Variants in FAM120C observed in about 807,000 individuals in gnomAD.
FAM120C encodes the protein family with sequence similarity 120 member C.
A neutral mutation model predicts 71.2 loss-of-function variants in FAM120C; 14 were observed. The ratio of observed to expected loss-of-function variants is 0.20; its 90% confidence interval spans 0.13 to 0.31. The LOEUF (loss-of-function observed/expected upper bound fraction) is 0.31. Among genes scored for constraint, FAM120C ranks in the 10% least tolerant of loss-of-function variants. The probability of loss-of-function intolerance (pLI) is 1.00; values close to 1 mark genes in which losing one functional copy is unlikely to be tolerated. For synonymous variants in FAM120C, 354 were observed against 353.2 expected, an observed-to-expected ratio of 1.00 and a Z score of -0.03; for missense variants, 500 against 879.0, an observed-to-expected ratio of 0.57 and a Z score of 5.45.
At chrX:54,161,289 G>A (rs2067234919) in intron 1 of FAM120C, among the ~76,000 whole-genome samples, 1 of 111,492 alleles carries the variant, frequency 9.0e-6, no homozygotes, top group Non-Finnish European at 1.9e-5. Flanking sequence ...TCACCATGCA[G>A]GTATTAGAAG....
chrX:54,124,725 G>C (rs781818094), intron 9 of FAM120C, among the ~76,000 whole-genome samples: 1 of 110,794 alleles, frequency 9.0e-6, no homozygotes, highest in African/African-American at 3.3e-5. Flanking sequence ...GTTCCTATTC[G>C]GCCATCTTGG....
chrX:54,152,021 ATT>A (rs1234773932), intron 3 of FAM120C, among the ~76,000 whole-genome samples: 2 of 99,132 alleles, frequency 2.0e-5, no homozygotes. Context: ...ATACCTAAAC[ATT>A]TTTTTTTTTT....
In FAM120C at chrX:54,073,057, A is replaced by G; in HGVS notation, c.3267T>C (p.Thr1089=). 1 of 1,206,998 alleles carries G rather than the reference A, an allele frequency of 8.3e-7. No homozygotes were observed. The highest frequency in any genetic ancestry group is 1.1e-6 in the Non-Finnish European group (1 of 892,527). The change falls in exon 16 of 16, where the codon ACT becomes ACC. Residue 1089 remains threonine (T), a synonymous_variant. Coordinates refer to ENST00000375180, the MANE Select transcript of FAM120C (RefSeq NM_017848.6). ...ATCAGTCCTCTTTCCGTTGTGCCACAGTTTCTAGCTTTTGCTCTTGTAAGT... is the reference window on the plus strand; with the variant it reads ...ATCAGTCCTCTTTCCGTTGTGCCACGGTTTCTAGCTTTTGCTCTTGTAAGT... The part of the protein sequence containing the change: ...KNHLQEQKLE[T]VAQRKED
At chrX:54,158,112 A>G (rs1342574912) in intron 2 of FAM120C, among the ~76,000 whole-genome samples, 1 of 112,569 alleles carries the variant, frequency 8.9e-6, no homozygotes, top group Non-Finnish European at 1.9e-5. Flanking sequence ...CCATGCTATT[A>G]CTTATCCCCT....
intron 7 of FAM120C, 75 bp downstream of exon 7, chrX:54,134,756 T>TC: frequency 9.6e-7 from 1 of 1,036,793 alleles, no homozygotes; most frequent in Non-Finnish European, 1.3e-6. Flanking sequence ...TCCCACACCC[T>TC]CCACCCATCT....
At chrX:54,074,203 G>A (rs903876741) in intron 15 of FAM120C, among the ~76,000 whole-genome samples, 3 of 111,351 alleles carry the variant, frequency 2.7e-5, no homozygotes, top group Non-Finnish European at 5.6e-5. Flanking sequence ...ATATGATCAT[G>A]CCCCATTTGC....
intron 13 of FAM120C, among the ~76,000 whole-genome samples, chrX:54,084,344 T>C (rs2066782816): frequency 8.9e-6 from 1 of 111,894 alleles, no homozygotes; most frequent in Non-Finnish European, 1.9e-5. Flanking sequence ...TTTCACACTG[T>C]TCATCTAAGC....
Position 54,133,967 on chromosome X carries a change from C to T in FAM120C, c.1696G>A (p.Asp566Asn). 2.5e-6 allele frequency: 3 copies of T among 1,211,669 alleles called. No individual in the cohort carries two copies. The highest frequency in any genetic ancestry group is 2.2e-6 in the Non-Finnish European group (2 of 895,412). Residue 566 changes from aspartate to asparagine, a missense_variant, in exon 8 of 16, where the codon GAT becomes AAT. Physicochemically the swap from Asp to Asn is conservative, Grantham distance 23 (BLOSUM62 1). Transcript: ENST00000375180. ...AGGCTCGCTTCTGAAACTCCAGTAT[C>T]AACAGGCTGTGCCCAGGACCCTCTG... ...RDRGSWAQPV[D>N]TGVSEASLGD...
chrX:54,173,825 T>C lies in FAM120C; in HGVS notation c.699+8675A>G, dbSNP rs2067301945. On this transcript the variant is annotated intron_variant, in intron 1 of 15. Coordinates refer to ENST00000375180, the MANE Select transcript of FAM120C (RefSeq NM_017848.6). ...AGTTATCTATTTCTGTGTAACAAAG[T>C]AGCCCCCAAACTTAGTGGCTTAAAA... is the stretch of plus-strand genomic sequence containing the variant. 1.6e-5 allele frequency: 4 copies of C among 253,876 alleles called. No homozygotes were observed. In the East Asian group the frequency reaches 2.4e-4, roughly 15 times the overall value. 20.9% of individuals were successfully genotyped at this position (253,876 alleles called of 1,213,427 possible). A position where few individuals can be genotyped will look rare whatever the true frequency, so the allele number is the denominator to read the frequency against.
intron 2 of FAM120C, 141 bp downstream of exon 2, chrX:54,159,229 G>C (rs2067224573): frequency 1.3e-6 from 1 of 749,770 alleles, no homozygotes. Context: ...AAACCATGCT[G>C]AGTTCTCCCC....
intron 4 of FAM120C, among the ~76,000 whole-genome samples, chrX:54,138,344 A>G (rs1484027685): frequency 6.4e-5 from 7 of 108,758 alleles, no homozygotes; most frequent in African/African-American, 2.3e-4. Flanking sequence ...TGCAAAAAAT[A>G]CAAAAATTAG....
intron 3 of FAM120C, among the ~76,000 whole-genome samples, chrX:54,151,756 GA>G (rs2067185137): frequency 9.0e-6 from 1 of 111,502 alleles, no homozygotes; most frequent in South Asian, 3.7e-4. Flanking sequence ...AGGAAAATCT[GA>G]AAATGGACTG....
intron 9 of FAM120C, among the ~76,000 whole-genome samples, chrX:54,131,650 C>A (rs782753336): frequency 1.8e-5 from 2 of 111,947 alleles, no homozygotes; most frequent in African/African-American, 6.5e-5. Context: ...GTTGGTCAGG[C>A]TGGTCTCGAA....
chrX:54,173,865 T>G, intron 1 of FAM120C: 1 of 303,244 alleles, frequency 3.3e-6, no homozygotes, highest in South Asian at 1.4e-4. Flanking sequence ...ATTTATTATC[T>G]CATAGTATCT....
intron 1 of FAM120C, chrX:54,171,861 A>G (rs2067290357): frequency 8.9e-6 from 1 of 112,105 alleles, no homozygotes. Flanking sequence ...CTGAATCTCC[A>G]TTGTAGCTCT....
chrX:54,159,633 G>T lies in FAM120C; in HGVS notation c.700-17C>A. 1 of 1,208,375 alleles carries T rather than the reference G, an allele frequency of 8.3e-7. No individual in the cohort carries two copies. Among genetic ancestry groups the T allele is most frequent in the South Asian group, 1.8e-5 (1 of 56,604 alleles). Reference sequence around the variant, plus strand: ...CTGAAAGACCTAGAAGGGAAGAAGAGAACGTGTCATGCCACAGAACCTGAT... The same window carrying T: ...CTGAAAGACCTAGAAGGGAAGAAGATAACGTGTCATGCCACAGAACCTGAT... On this transcript the variant is annotated splice_polypyrimidine_tract_variant and intron_variant, in intron 1 of 15. Transcript: ENST00000375180.
At chrX:54,153,407 A>T (rs1418670458) in intron 3 of FAM120C, among the ~76,000 whole-genome samples, 1 of 107,593 alleles carries the variant, frequency 9.3e-6, no homozygotes, top group African/African-American at 3.4e-5. Context: ...ACTGGATAAT[A>T]TATTTTTTTT....
At chrX:54,179,928 T>C (rs1205480413) in intron 1 of FAM120C, among the ~76,000 whole-genome samples, 2 of 112,023 alleles carry the variant, frequency 1.8e-5, no homozygotes, top group Non-Finnish European at 3.8e-5. Context: ...ATGAAAAACT[T>C]CAAACACATG....
At chrX:54,176,432 C>CAAAA (rs1197918401) in intron 1 of FAM120C, among the ~76,000 whole-genome samples, 2 of 36,398 alleles carry the variant, frequency 5.5e-5, no homozygotes, top group African/African-American at 1.0e-4. Context: ...GACTCTGTCT[C>CAAAA]AAAAAAAAAA....
Sources: allele counts gnomAD v4.1 joint callset (sites outside exome capture counted in the v4.1 genomes callset), GRCh38; gene constraint gnomAD v4.1.1; transcripts MANE v1.5; gene names NCBI Gene and HGNC (gene_info 2026-07-23, HGNC 2026-07-21).